The following RIMS1 variants were observed in gnomAD, a reference collection of about 807,000 sequenced individuals.
RIMS1 encodes the protein regulating synaptic membrane exocytosis protein 1.
In RIMS1, 83 loss-of-function variants were observed where a neutral mutation model predicts 214.1. That is an observed-to-expected ratio of 0.39 (90% CI 0.32 to 0.47). The LOEUF is 0.47. Among genes scored for constraint, RIMS1 ranks in the 20% least tolerant of loss-of-function variants. RIMS1 has a pLI of 0.99. For missense variants in RIMS1, 2,050 were observed against 2,161.8 expected (o/e 0.95, Z 1.03); for synonymous variants, 793 against 786.8 (o/e 1.01, Z -0.13).
chr6:72,131,873 G>A (rs752922557), intron 4 of RIMS1, among the ~76,000 whole-genome samples: 9 of 152,232 alleles, frequency 5.9e-5, no homozygotes, highest in Admixed American at 1.3e-4. Flanking sequence ...ACCCCCAGGC[G>A]CATATTCTCT....
chr6:71,998,818 C>G (rs1015721728), intron 2 of RIMS1, among the ~76,000 whole-genome samples: 1 of 152,138 alleles, frequency 6.6e-6, no homozygotes, highest in Non-Finnish European at 1.5e-5. Context: ...TCTGACTATT[C>G]TATATTTATT....
intron 4 of RIMS1, among the ~76,000 whole-genome samples, chr6:72,115,052 T>G (rs1165093701): frequency 1.3e-5 from 2 of 151,948 alleles, no homozygotes; most frequent in African/African-American, 4.8e-5. Context: ...ATAAATTTTA[T>G]TGTTTTGGAC....
chr6:72,368,589 G>A (rs1324791128), intron 29 of RIMS1, among the ~76,000 whole-genome samples: 2 of 151,936 alleles, frequency 1.3e-5, no homozygotes, highest in Non-Finnish European at 1.5e-5. Context: ...CACAGTTAAT[G>A]TTATAAGTTT....
chr6:72,386,936 A>G (rs918984621), intron 29 of RIMS1, among the ~76,000 whole-genome samples: 18 of 151,560 alleles, frequency 1.2e-4, no homozygotes, highest in African/African-American at 3.9e-4. Flanking sequence ...GGGTTTCACC[A>G]TGTTAGCCAG....
chr6:72,052,176 A>C (rs1824887037), intron 2 of RIMS1, among the ~76,000 whole-genome samples: 1 of 152,214 alleles, frequency 6.6e-6, no homozygotes, highest in Non-Finnish European at 1.5e-5. Flanking sequence ...GTCTTCCAAC[A>C]AGATGAGTGT....
intron 4 of RIMS1, among the ~76,000 whole-genome samples, chr6:72,163,279 C>A (rs531579118): frequency 7.1e-6 from 1 of 140,000 alleles, no homozygotes; most frequent in African/African-American, 2.5e-5. Context: ...TCTAGTTAGC[C>A]ATTTGTCTAA....
intron 1 of RIMS1, among the ~76,000 whole-genome samples, chr6:71,905,022 T>C (rs920970049): frequency 6.6e-6 from 1 of 152,106 alleles, no homozygotes; most frequent in Non-Finnish European, 1.5e-5. Context: ...AGATATGCAA[T>C]AATGGGATTT....
At chr6:72,299,841 A>G (rs554813100) in intron 26 of RIMS1, among the ~76,000 whole-genome samples, 1 of 152,018 alleles carries the variant, frequency 6.6e-6, no homozygotes, top group African/African-American at 2.4e-5. Flanking sequence ...TTTCAGAATC[A>G]GCATTCTTTT....
At position 72,049,894 on chromosome 6, in the gene RIMS1, A is replaced by T. The variant is rs570498331; in HGVS notation, c.246-47055A>T. The stretch of plus-strand genomic sequence containing the variant: ...AGCTCCACATTGAGTGAGTAAGTAT[A>T]TATTACTCTTGTGAAAATTCTCTTT... On this transcript the variant is annotated intron_variant, in intron 2 of 33. Transcript: ENST00000521978. Among the ~76,000 whole-genome samples the T allele has an allele frequency of 4.1e-4, 62 of 152,272 alleles. 1 individual carries two copies. The highest frequency in any genetic ancestry group is 1.5e-3 in the African/African-American group (62 of 41,560).
intron 2 of RIMS1, among the ~76,000 whole-genome samples, chr6:72,007,898 TG>T (rs527281182): frequency 9.8e-4 from 150 of 152,334 alleles, no homozygotes; most frequent in African/African-American, 3.4e-3. Flanking sequence ...GAAAACACTC[TG>T]CAGGATGTTA....
At chr6:72,235,116 T>C (rs1435847047) in intron 7 of RIMS1, among the ~76,000 whole-genome samples, 1 of 152,072 alleles carries the variant, frequency 6.6e-6, no homozygotes, top group African/African-American at 2.4e-5. Context: ...ATGCAGTGCA[T>C]AGTGATGTGT....
chr6:72,361,457 T>C (rs1390583342), intron 29 of RIMS1, among the ~76,000 whole-genome samples: 1 of 152,156 alleles, frequency 6.6e-6, no homozygotes, highest in Admixed American at 6.5e-5. Flanking sequence ...ACAAATTTTA[T>C]ATCTTATTCC....
intron 23 of RIMS1, among the ~76,000 whole-genome samples, chr6:72,281,987 A>G (rs1563508451): frequency 6.6e-6 from 1 of 151,956 alleles, no homozygotes; most frequent in Non-Finnish European, 1.5e-5. Flanking sequence ...ACATATTCCA[A>G]CCACCTAGAA....
intron 7 of RIMS1, among the ~76,000 whole-genome samples, chr6:72,235,061 C>T (rs1300588972): frequency 1.3e-5 from 2 of 151,816 alleles, no homozygotes; most frequent in African/African-American, 2.4e-5. Context: ...TGTTCCTATT[C>T]TCTTTTATTT....
chr6:72,214,345 A>C (rs1050585945), intron 6 of RIMS1, among the ~76,000 whole-genome samples: 1 of 152,096 alleles, frequency 6.6e-6, no homozygotes, highest in Non-Finnish European at 1.5e-5. Context: ...GGTTTGGTAA[A>C]AAATTGCTTT....
At chr6:72,123,669 A>G (rs2038897982) in intron 4 of RIMS1, among the ~76,000 whole-genome samples, 1 of 151,844 alleles carries the variant, frequency 6.6e-6, no homozygotes, top group Non-Finnish European at 1.5e-5. Context: ...TATTGGGTGC[A>G]TATATATTTA....
intron 1 of RIMS1, among the ~76,000 whole-genome samples, chr6:71,910,133 G>A (rs1776444074): frequency 6.6e-6 from 1 of 152,134 alleles, no homozygotes; most frequent in Non-Finnish European, 1.5e-5. Context: ...GAAAGAGAGA[G>A]AGGTACTTAT....
chr6:72,336,686 A>G (rs550699563), intron 29 of RIMS1, among the ~76,000 whole-genome samples: 2 of 151,888 alleles, frequency 1.3e-5, no homozygotes, highest in Non-Finnish European at 2.9e-5. Context: ...TTTCTACATA[A>G]TAATTTTACC....
chr6:72,395,236 A>G (rs1049707538), intron 31 of RIMS1, among the ~76,000 whole-genome samples: 4 of 152,030 alleles, frequency 2.6e-5, no homozygotes, highest in Non-Finnish European at 2.9e-5. Context: ...TTTGGAGAAA[A>G]ATAATGATGC....
Sources: gnomAD v4.1 joint callset for allele counts (sites outside exome capture counted in the v4.1 genomes callset) on GRCh38, gnomAD v4.1.1 for gene constraint, MANE v1.5 for transcripts, NCBI Gene and HGNC (gene_info 2026-07-23, HGNC 2026-07-21) for gene names.